The following NHSL1 variants were observed in gnomAD, a reference collection of about 807,000 sequenced individuals.
NHSL1 encodes the protein NHS-like protein 1.
A neutral mutation model predicts 95.0 loss-of-function variants in NHSL1; 48 were observed. The observed-to-expected ratio is 0.51, with a 90% CI of 0.40 to 0.64. The LOEUF is 0.64. Among genes scored for constraint, NHSL1 ranks in the 30% least tolerant of loss-of-function variants. The pLI, the probability that NHSL1 is intolerant of heterozygous loss-of-function variation, is 0.00. For synonymous variants in NHSL1, 783 were observed against 833.9 expected (o/e 0.94, Z 1.05); for missense variants, 1,971 against 2,077.7 (o/e 0.95, Z 1.00).
intron 7 of NHSL1, among the ~76,000 whole-genome samples, chr6:138,429,109 TTTTG>T (rs928170688): frequency 3.3e-5 from 5 of 152,178 alleles, no homozygotes; most frequent in Admixed American, 6.5e-5. Flanking sequence ...ATTTTACCCT[TTTTG>T]TTTGTTTTTA....
chr6:138,630,742 A>G (rs2114657807), intron 1 of NHSL1, among the ~76,000 whole-genome samples: 1 of 152,318 alleles, frequency 6.6e-6, no homozygotes, highest in East Asian at 1.9e-4. Flanking sequence ...AGCAATTCCT[A>G]AAACAACTTA....
Position 138,424,687 on chromosome 6 carries a change from A to G in NHSL1, c.4215T>C (p.Ile1405=). 1 of 1,551,554 alleles carries G rather than the reference A, an allele frequency of 6.4e-7. No individual in the cohort carries two copies. Among genetic ancestry groups the G allele is most frequent in the East Asian group, 2.4e-5 (1 of 40,908 alleles). ...SLASPKQVGS[I]QRSIRKSSTS... is the part of the protein sequence containing the mutation. ...TGCTGCTCTTTCGGATGCTTCTCTGAATCGACCCCACTTGCTTTGGAGAGG... is the reference window on the plus strand; with the variant it reads ...TGCTGCTCTTTCGGATGCTTCTCTGGATCGACCCCACTTGCTTTGGAGAGG... Residue 1405 remains isoleucine (I), a synonymous_variant, in exon 8 of 8, where the codon ATT becomes ATC. Transcript: ENST00000343505. This position sits in a 1 kb window ranked among gnomAD's most constrained non-coding sequence, Gnocchi z 5.9.
chr6:138,610,832 A>G (rs1442823589), intron 1 of NHSL1, among the ~76,000 whole-genome samples: 1 of 152,018 alleles, frequency 6.6e-6, no homozygotes, highest in East Asian at 1.9e-4. Context: ...AATCCCAGCA[A>G]TTTGGGAGGC....
intron 3 of NHSL1, among the ~76,000 whole-genome samples, chr6:138,456,069 C>T (rs1354670003): frequency 6.6e-6 from 1 of 152,204 alleles, no homozygotes; most frequent in African/African-American, 2.4e-5. Flanking sequence ...TTTACTTCAA[C>T]CTCACACCAA....
At chr6:138,619,724 C>G (rs529560520) in intron 1 of NHSL1, among the ~76,000 whole-genome samples, 1 of 152,086 alleles carries the variant, frequency 6.6e-6, no homozygotes, top group South Asian at 2.1e-4. Flanking sequence ...GAATTTGAGA[C>G]AGATCACGAG....
intron 1 of NHSL1, among the ~76,000 whole-genome samples, chr6:138,586,305 G>A (rs149165931): frequency 9.1e-4 from 139 of 152,208 alleles, no homozygotes; most frequent in African/African-American, 3.2e-3. Context: ...ATGTTGACCA[G>A]TCTGGTCTCG....
chr6:138,522,494 T>C (rs1781723801), intron 1 of NHSL1, among the ~76,000 whole-genome samples: 2 of 151,982 alleles, frequency 1.3e-5, no homozygotes, highest in Admixed American at 6.6e-5. Context: ...ATACAAAAAT[T>C]ACTGAGCCGT....
At chr6:138,498,695 A>G (rs1488864232) in intron 1 of NHSL1, among the ~76,000 whole-genome samples, 1 of 152,256 alleles carries the variant, frequency 6.6e-6, no homozygotes, top group African/African-American at 2.4e-5. Context: ...TCTGTACCTT[A>G]CAACAATCAC....
chr6:138,508,904 T>C (rs1377328468), intron 1 of NHSL1, among the ~76,000 whole-genome samples: 1 of 152,346 alleles, frequency 6.6e-6, no homozygotes, highest in East Asian at 1.9e-4. Context: ...AATTATTCTT[T>C]GTGACATGTT....
Position 138,473,366 on chromosome 6 carries a change from C to G in NHSL1, c.279G>C (p.Ala93=). ...CATCACAGAATGGGCTGGCGTTGGC[C>G]GCAAAGGTGGGTCCCTGAGAGTAGT... is the stretch of plus-strand genomic sequence containing the variant. ...SQYYSQGPTF[A]ANASPFCDDY... is the part of the protein sequence containing the mutation. Residue 93 remains alanine, a synonymous_variant, in exon 3 of 8, where the codon GCG becomes GCC. Transcript: ENST00000343505. The G allele has an allele frequency of 6.5e-7, 1 of 1,548,450 alleles. No homozygotes were observed. Among genetic ancestry groups the G allele is most frequent in the South Asian group, 1.2e-5 (1 of 83,548 alleles).
At chr6:138,485,118 G>A (rs1016256839) in intron 2 of NHSL1, among the ~76,000 whole-genome samples, 2 of 152,150 alleles carry the variant, frequency 1.3e-5, no homozygotes, top group Admixed American at 1.3e-4. Flanking sequence ...GGCAGCAGAG[G>A]AGCATCACCA....
chr6:138,650,328 T>C, intron 1 of NHSL1: 1 of 896,170 alleles, frequency 1.1e-6, no homozygotes, highest in South Asian at 1.3e-5. Flanking sequence ...AATCCAGGAT[T>C]TGAACACCGG....
chr6:138,657,143 C>T (rs1785167767), intron 1 of NHSL1, among the ~76,000 whole-genome samples: 1 of 152,014 alleles, frequency 6.6e-6, no homozygotes, highest in Non-Finnish European at 1.5e-5. Context: ...GGTAAACAGA[C>T]ATTTTTTTTC....
At chr6:138,438,707 T>C (rs1392951577) in intron 5 of NHSL1, among the ~76,000 whole-genome samples, 1 of 152,192 alleles carries the variant, frequency 6.6e-6, no homozygotes, top group Non-Finnish European at 1.5e-5. Context: ...TTAAGGATGC[T>C]GAATATTTAC....
At chr6:138,611,552 C>A (rs532856706) in intron 1 of NHSL1, among the ~76,000 whole-genome samples, 1 of 151,786 alleles carries the variant, frequency 6.6e-6, no homozygotes, top group Non-Finnish European at 1.5e-5. Context: ...CGAGACCATC[C>A]TGGCTAACAC....
At chr6:138,596,009 A>C (rs1005285318) in intron 1 of NHSL1, among the ~76,000 whole-genome samples, 2 of 152,188 alleles carry the variant, frequency 1.3e-5, no homozygotes, top group Non-Finnish European at 2.9e-5. Flanking sequence ...AAAGGCCATA[A>C]ACCCTACTTG....
chr6:138,579,092 C>T (rs9495143), intron 1 of NHSL1, among the ~76,000 whole-genome samples: 39,250 of 151,882 alleles, frequency 0.26, 8,381 homozygotes, highest in African/African-American at 0.6. Flanking sequence ...CAACAGGGTT[C>T]GCACTCCTAT....
chr6:138,622,799 G>A (rs1284741806), intron 1 of NHSL1, among the ~76,000 whole-genome samples: 2 of 152,210 alleles, frequency 1.3e-5, no homozygotes, highest in Non-Finnish European at 2.9e-5. Flanking sequence ...TGGTACACCA[G>A]ATATCAGAGA....
chr6:138,573,972 T>C (rs1013201113), upstream of NHSL1, among the ~76,000 whole-genome samples: 4 of 152,208 alleles, frequency 2.6e-5, no homozygotes, highest in African/African-American at 9.6e-5. Flanking sequence ...AGAGTCTCAC[T>C]CTGTCGCCCA....
Sources: allele counts gnomAD v4.1 joint callset (sites outside exome capture counted in the v4.1 genomes callset), GRCh38; gene constraint gnomAD v4.1.1; non-coding constraint Gnocchi (gnomAD v3.1); transcripts MANE v1.5; gene names NCBI Gene and HGNC (gene_info 2026-07-23, HGNC 2026-07-21).